DIAPH3: variants seen among roughly 807,000 people sequenced by gnomAD.
DIAPH3 encodes diaphanous related formin 3.
Under a neutral mutation model 144.3 loss-of-function variants are expected in DIAPH3, and 117 were observed. The ratio of observed to expected loss-of-function variants is 0.81; its 90% CI spans 0.70 to 0.95. The LOEUF (loss-of-function observed/expected upper bound fraction) is 0.95. DIAPH3 is among the 40% of genes least tolerant of loss of function. The pLI, the probability that DIAPH3 is intolerant of heterozygous loss-of-function variation, is 0.00. For synonymous variants in DIAPH3, 519 were observed against 488.9 expected, an observed-to-expected ratio of 1.06 and a Z score of -0.81; for missense variants, 1,421 against 1,412.7, an observed-to-expected ratio of 1.01 and a Z score of -0.09.
intron 5 of DIAPH3, among the ~76,000 whole-genome samples, chr13:60,041,109 A>G (rs1400972075): frequency 6.3e-5 from 2 of 31,528 alleles, no homozygotes; most frequent in Non-Finnish European, 1.6e-4. Context: ...CCTGTAATAT[A>G]TATTTTTAAA....
At chr13:60,099,946 AGG>A (rs2058220881) in intron 3 of DIAPH3, among the ~76,000 whole-genome samples, 1 of 150,860 alleles carries the variant, frequency 6.6e-6, no homozygotes, top group African/African-American at 2.5e-5. Flanking sequence ...GAAGGAAGGA[AGG>A]AAGGAAGGAA....
intron 24 of DIAPH3, among the ~76,000 whole-genome samples, chr13:59,825,323 T>G (rs922617104): frequency 1.3e-5 from 2 of 152,114 alleles, no homozygotes; most frequent in African/African-American, 4.8e-5. Context: ...TTACTGAGAA[T>G]ATGATTTCCA....
intron 17 of DIAPH3, among the ~76,000 whole-genome samples, chr13:59,949,059 GGAA>G (rs2048959378): frequency 6.6e-6 from 1 of 152,244 alleles, no homozygotes; most frequent in African/African-American, 2.4e-5. Flanking sequence ...AAAGAAAGCA[GGAA>G]GAAGGAACAA....
chr13:60,160,167 T>C (rs1952226275), intron 1 of DIAPH3, among the ~76,000 whole-genome samples: 1 of 151,856 alleles, frequency 6.6e-6, no homozygotes, highest in African/African-American at 2.4e-5. Context: ...GAGCTTGCAG[T>C]GAGCCGAGAT....
At chr13:59,856,581 T>A (rs66494821) in intron 22 of DIAPH3, among the ~76,000 whole-genome samples, 8,802 of 152,230 alleles carry the variant, frequency 0.058, 301 homozygotes, top group Admixed American at 0.1. Context: ...GCTGTGACTC[T>A]AAATTTCCTC....
intron 25 of DIAPH3, among the ~76,000 whole-genome samples, chr13:59,790,807 T>C (rs953057200): frequency 1.3e-5 from 2 of 151,982 alleles, no homozygotes; most frequent in Non-Finnish European, 2.9e-5. Flanking sequence ...TCATTAACAA[T>C]TGTAAAAAAA....
chr13:59,805,695 T>A (rs2040153629), intron 25 of DIAPH3, among the ~76,000 whole-genome samples: 1 of 151,834 alleles, frequency 6.6e-6, no homozygotes, highest in Non-Finnish European at 1.5e-5. Context: ...TAAAAAAAAA[T>A]GAGAAAACAA....
intron 25 of DIAPH3, among the ~76,000 whole-genome samples, chr13:59,800,516 G>A (rs140448339): frequency 0.011 from 1,729 of 152,234 alleles, 14 homozygotes; most frequent in Middle Eastern, 0.017. Context: ...AGAGAAGAAC[G>A]TTTCTTTAAT....
chr13:59,801,021 G>A (rs1031634128), intron 25 of DIAPH3, among the ~76,000 whole-genome samples: 2 of 151,930 alleles, frequency 1.3e-5, no homozygotes, highest in African/African-American at 4.8e-5. Context: ...AAATAATAAA[G>A]GATAAAGGTT....
intron 27 of DIAPH3, among the ~76,000 whole-genome samples, chr13:59,742,128 C>T (rs1291392501): frequency 6.6e-6 from 1 of 152,084 alleles, no homozygotes; most frequent in Non-Finnish European, 1.5e-5. Flanking sequence ...TCTCATGAGA[C>T]TTATTCACTA....
At chr13:60,160,594 C>T (rs568211871) in intron 1 of DIAPH3, among the ~76,000 whole-genome samples, 1 of 152,286 alleles carries the variant, frequency 6.6e-6, no homozygotes, top group Admixed American at 6.5e-5. Context: ...GGACTCAGGT[C>T]CAGGTATTGA....
At chr13:59,787,709 T>C (rs538238161) in intron 25 of DIAPH3, among the ~76,000 whole-genome samples, 1 of 152,256 alleles carries the variant, frequency 6.6e-6, no homozygotes, top group South Asian at 2.1e-4. Context: ...AAATGGGCAA[T>C]TGCTATTCAG....
intron 1 of DIAPH3, among the ~76,000 whole-genome samples, 153 bp from the exon 2 acceptor site, chr13:60,133,142 C>A (rs1193192136): frequency 1.3e-5 from 2 of 151,972 alleles, no homozygotes; most frequent in Non-Finnish European, 2.9e-5. Context: ...TCGTTTTAAT[C>A]TCTTTCTCAA....
At chr13:59,681,074 G>GTTAT in intron 27 of DIAPH3, among the ~76,000 whole-genome samples, 1 of 152,164 alleles carries the variant, frequency 6.6e-6, no homozygotes, top group Admixed American at 6.5e-5. Flanking sequence ...ATTGTACCTA[G>GTTAT]TTATAGCTTT....
chr13:59,687,169 C>T (rs2033262586), intron 27 of DIAPH3, among the ~76,000 whole-genome samples: 1 of 152,060 alleles, frequency 6.6e-6, no homozygotes, highest in Admixed American at 6.6e-5. Flanking sequence ...TTGACAGAAG[C>T]AGTTAGGAAA....
intron 27 of DIAPH3, among the ~76,000 whole-genome samples, chr13:59,721,540 T>C (rs1250257249): frequency 6.6e-6 from 1 of 152,128 alleles, no homozygotes; most frequent in Non-Finnish European, 1.5e-5. Context: ...CTAGGTGAAT[T>C]GACGGTGTGA....
intron 4 of DIAPH3, among the ~76,000 whole-genome samples, chr13:60,047,866 G>T (rs1208603093): frequency 1.3e-5 from 2 of 152,150 alleles, no homozygotes; most frequent in African/African-American, 4.8e-5. Flanking sequence ...ATACAGTTAA[G>T]AACTGTATAG....
intron 21 of DIAPH3, among the ~76,000 whole-genome samples, chr13:59,868,689 TAA>T (rs2044074107): frequency 6.6e-6 from 1 of 152,104 alleles, no homozygotes; most frequent in Non-Finnish European, 1.5e-5. Flanking sequence ...TTTACCACCC[TAA>T]AAAATTCTGT....
chr13:60,016,319 AT>A (rs2140989831), intron 5 of DIAPH3, among the ~76,000 whole-genome samples, 174 bp from the exon 6 acceptor site: 1 of 152,358 alleles, frequency 6.6e-6, no homozygotes, highest in East Asian at 1.9e-4. Context: ...AGAAGCAAAG[AT>A]GGATATGCCA....
Sources: gnomAD v4.1 joint callset for allele counts (sites outside exome capture counted in the v4.1 genomes callset) on GRCh38, gnomAD v4.1.1 for gene constraint, MANE v1.5 for transcripts, NCBI Gene and HGNC (gene_info 2026-07-23, HGNC 2026-07-21) for gene names.